Variants in TSC22D1 observed in about 807,000 individuals in gnomAD.
TSC22D1 encodes the protein TSC22 domain family member 1.
Under a neutral mutation model 74.2 loss-of-function variants are expected in TSC22D1, and 9 were observed. The observed-to-expected ratio is 0.12, with a 90% confidence interval of 0.07 to 0.21. The LOEUF is 0.21. TSC22D1 is among the 10% of genes least tolerant of loss of function. TSC22D1 has a pLI of 1.00. For missense variants in TSC22D1, 1,427 were observed against 1,304.7 expected (o/e 1.09, Z -1.44); for synonymous variants, 586 against 492.5 (o/e 1.19, Z -2.51).
intron 1 of TSC22D1, chr13:44,538,838 G>T: frequency 2.0e-6 from 2 of 985,410 alleles, no homozygotes; most frequent in Non-Finnish European, 2.4e-6. Flanking sequence ...GGCTCTGCTA[G>T]AAGAATTCCT....
intron 1 of TSC22D1, among the ~76,000 whole-genome samples, chr13:44,482,267 G>C (rs901652804): frequency 2.6e-5 from 4 of 152,180 alleles, no homozygotes; most frequent in South Asian, 2.1e-4. Flanking sequence ...AGGTGCAGTG[G>C]CTCACGCCTG....
At chr13:44,569,722 A>C (rs1883626290) in intron 1 of TSC22D1, among the ~76,000 whole-genome samples, 1 of 152,194 alleles carries the variant, frequency 6.6e-6, no homozygotes, top group African/African-American at 2.4e-5. Flanking sequence ...AGATACAAAA[A>C]AGCAAGTCTT....
intron 1 of TSC22D1, among the ~76,000 whole-genome samples, chr13:44,437,673 A>C (rs118156371): frequency 0.012 from 1,850 of 152,190 alleles, 23 homozygotes; most frequent in Non-Finnish European, 0.019. Context: ...ATTCCACATA[A>C]ATCTATTTTT....
At chr13:44,555,291 AAAC>A (rs1044884638) in intron 1 of TSC22D1, among the ~76,000 whole-genome samples, 16 of 152,092 alleles carry the variant, frequency 1.1e-4, no homozygotes, top group African/African-American at 3.6e-4. Flanking sequence ...AAACGTAAGC[AAAC>A]AACAACAACA....
At chr13:44,546,495 A>G (rs549020056) in intron 1 of TSC22D1, among the ~76,000 whole-genome samples, 30 of 152,314 alleles carry the variant, frequency 2.0e-4, no homozygotes, top group African/African-American at 7.2e-4. Flanking sequence ...CAAAAGTGTC[A>G]AAGTCATGAA....
chr13:44,469,646 T>C lies in TSC22D1; in HGVS notation c.2913-33551A>G, dbSNP rs572860377. 1.1e-4 allele frequency among the ~76,000 whole-genome samples: 17 copies of C among 152,300 alleles called. No homozygotes were observed. The South Asian group carries it at 3.5e-3, about 32-fold the overall frequency. ...ATCTTGTATAATTCACTGAGCCAGT[T>C]TGTCAGACTTGAATTGTATTATTTT... On this transcript the variant is annotated intron_variant, in intron 1 of 2. Coordinates refer to ENST00000458659, the MANE Select transcript of TSC22D1 (RefSeq NM_183422.4).
chr13:44,445,095 A>T (rs1053105380), intron 1 of TSC22D1, among the ~76,000 whole-genome samples: 6 of 152,088 alleles, frequency 3.9e-5, no homozygotes, highest in Non-Finnish European at 7.4e-5. Flanking sequence ...TAAACACTAA[A>T]GCCAGATAAA....
intron 1 of TSC22D1, among the ~76,000 whole-genome samples, chr13:44,451,076 C>A (rs181623254): frequency 6.6e-6 from 1 of 152,008 alleles, no homozygotes; most frequent in Non-Finnish European, 1.5e-5. Flanking sequence ...GTGGAGGGAG[C>A]GGGGAAATGA....
chr13:44,488,335 C>A (rs145886791), intron 1 of TSC22D1, among the ~76,000 whole-genome samples: 51 of 152,018 alleles, frequency 3.4e-4, no homozygotes, highest in Middle Eastern at 6.8e-3. Context: ...AGATTTAGTA[C>A]CCCCCCAAAA....
At chr13:44,563,613 A>G (rs909111613) in intron 1 of TSC22D1, among the ~76,000 whole-genome samples, 2 of 152,098 alleles carry the variant, frequency 1.3e-5, no homozygotes, top group South Asian at 4.2e-4. Flanking sequence ...ATTTCCCCCC[A>G]TTTTTATTAA....
At chr13:44,495,018 G>C (rs946858392) in intron 1 of TSC22D1, among the ~76,000 whole-genome samples, 2 of 152,058 alleles carry the variant, frequency 1.3e-5, no homozygotes, top group South Asian at 4.1e-4. Context: ...GTAGGCAGAA[G>C]AAAGAAACAG....
chr13:44,546,649 G>T (rs1284098500), intron 1 of TSC22D1, among the ~76,000 whole-genome samples: 1 of 152,108 alleles, frequency 6.6e-6, no homozygotes, highest in Non-Finnish European at 1.5e-5. Context: ...AATGCCTAGA[G>T]TAGTTGGTAT....
In TSC22D1 at chr13:44,576,039, G is replaced by GGCGGCC; in HGVS notation, c.30_35dup (p.Ala14_Ala15dup). On this transcript the variant is annotated inframe_insertion, in exon 1 of 3. Coordinates refer to ENST00000458659, the MANE Select transcript of TSC22D1 (RefSeq NM_183422.4). ...TCCTAGCGCTAATGTCTGCAGCGGC[G>GGCGGCC]GCGGCCGCGGCGGTGGACTCAGGCG... is the stretch of plus-strand genomic sequence containing the variant. The GGCGGCC allele has an allele frequency of 6.4e-7, 1 of 1,572,112 alleles. No individual in the cohort carries two copies. Among genetic ancestry groups the GGCGGCC allele is most frequent in the Non-Finnish European group, 8.6e-7 (1 of 1,160,402 alleles).
intron 1 of TSC22D1, among the ~76,000 whole-genome samples, chr13:44,438,963 C>T (rs968246255): frequency 6.6e-6 from 1 of 152,004 alleles, no homozygotes; most frequent in Non-Finnish European, 1.5e-5. Context: ...CTTTAAAAAA[C>T]AAAACTCTAA....
Position 44,575,871 on chromosome 13 carries a change from G to A in TSC22D1, c.204C>T (p.Pro68=), listed in dbSNP as rs781611396. ...FPPPSLLQPP[P]PAASSTSGPQ... ...GTCCCGACGTAGAAGATGCTGCAGG[G>A]GGCGGCGGCTGAAGCAGCGACGGAG... Residue 68 remains proline (P), a synonymous_variant, in exon 1 of 3, where the codon CCC becomes CCT. Coordinates refer to ENST00000458659, the MANE Select transcript of TSC22D1 (RefSeq NM_183422.4). 2.2e-5 allele frequency: 36 copies of A among 1,613,968 alleles called. No individual in the cohort carries two copies. Among genetic ancestry groups the A allele is most frequent in the Non-Finnish European group, 3.4e-6 (4 of 1,180,006 alleles).
At chr13:44,510,348 C>T (rs925415781) in intron 1 of TSC22D1, among the ~76,000 whole-genome samples, 42 of 151,714 alleles carry the variant, frequency 2.8e-4, no homozygotes, top group African/African-American at 9.4e-4. Flanking sequence ...ACCAAGATTG[C>T]GCCAGTGCAC....
chr13:44,552,943 G>A (rs532845898), intron 1 of TSC22D1, among the ~76,000 whole-genome samples: 9 of 152,196 alleles, frequency 5.9e-5, no homozygotes, highest in South Asian at 2.1e-4. Context: ...AGCCGCGATC[G>A]TGCCACTGCA....
At chr13:44,529,691 A>AAAG (rs1477794427) in intron 1 of TSC22D1, among the ~76,000 whole-genome samples, 1 of 152,136 alleles carries the variant, frequency 6.6e-6, no homozygotes, top group Admixed American at 6.5e-5. Context: ...ACCGCAAGGA[A>AAAG]TCAAGGAAAA....
intron 1 of TSC22D1, among the ~76,000 whole-genome samples, chr13:44,560,661 G>A (rs999026995): frequency 6.6e-6 from 1 of 152,098 alleles, no homozygotes; most frequent in African/African-American, 2.4e-5. Flanking sequence ...CAATATAGAG[G>A]AGTAAAAGGA....
Sources: allele counts gnomAD v4.1 joint callset (sites outside exome capture counted in the v4.1 genomes callset), GRCh38; gene constraint gnomAD v4.1.1; transcripts MANE v1.5; gene names NCBI Gene and HGNC (gene_info 2026-07-23, HGNC 2026-07-21).